The following KTN1 variants were observed in gnomAD, a reference collection of about 807,000 sequenced individuals.
KTN1 encodes kinectin 1.
Under a neutral mutation model 222.5 loss-of-function variants are expected in KTN1, and 130 were observed. The observed-to-expected ratio is 0.58, with a 90% CI of 0.51 to 0.68. KTN1 has a LOEUF of 0.68. Among genes scored for constraint, KTN1 ranks in the 30% least tolerant of loss-of-function variants. KTN1 has a pLI of 0.00. For synonymous variants in KTN1, 512 were observed against 496.3 expected, an observed-to-expected ratio of 1.03 and a Z score of -0.42; for missense variants, 1,508 against 1,500.4, an observed-to-expected ratio of 1.01 and a Z score of -0.08.
intron 39 of KTN1, 27 bp from the exon 40 acceptor site, chr14:55,673,145 A>C (rs2045593253): frequency 1.3e-6 from 2 of 1,585,962 alleles, no homozygotes; most frequent in Admixed American, 1.7e-5. Context: ...TAAGGAGATC[A>C]ATCTTAAACT....
At chr14:55,662,071 T>C (rs1169803981) in intron 32 of KTN1, among the ~76,000 whole-genome samples, 5 of 68,048 alleles carry the variant, frequency 7.3e-5, no homozygotes, top group Non-Finnish European at 1.9e-4. Context: ...CTCCTGCCCT[T>C]TTTTTTTTTT....
chr14:55,590,832 C>T (rs1489072609), intron 1 of KTN1, among the ~76,000 whole-genome samples: 4 of 151,996 alleles, frequency 2.6e-5, no homozygotes, highest in African/African-American at 9.7e-5. Flanking sequence ...TGCACCACCA[C>T]GTCCAGCTAA....
At chr14:55,598,584 G>C (rs79291233) in intron 1 of KTN1, among the ~76,000 whole-genome samples, 9,192 of 151,400 alleles carry the variant, frequency 0.061, 383 homozygotes, top group South Asian at 0.09. Flanking sequence ...TACTAATGTT[G>C]ATCAGTTTTG....
chr14:55,635,033 A>G (rs1352477188), intron 9 of KTN1, among the ~76,000 whole-genome samples: 2 of 152,136 alleles, frequency 1.3e-5, no homozygotes, highest in African/African-American at 2.4e-5. Context: ...GGGGATTACA[A>G]TTCGAGATGA....
At position 55,634,516 on chromosome 14, in the gene KTN1, C is replaced by T; in HGVS notation, c.1329-10C>T. On this transcript the variant is annotated splice_polypyrimidine_tract_variant and intron_variant, in intron 8 of 43. Coordinates refer to ENST00000395314, the MANE Select transcript of KTN1 (RefSeq NM_001079521.2). Reference sequence around the variant, plus strand: ...TAACGGAAGGCTCCTAATCCAGTTACTGTTTTCAGGCAGTCTGCAGAACTA... The same window carrying T: ...TAACGGAAGGCTCCTAATCCAGTTATTGTTTTCAGGCAGTCTGCAGAACTA... 2.5e-6 allele frequency: 4 copies of T among 1,596,230 alleles called. No homozygotes were observed. The highest frequency in any genetic ancestry group is 2.6e-6 in the Non-Finnish European group (3 of 1,174,416).
At chr14:55,680,477 CA>C in intron 43 of KTN1, 1 of 375,324 alleles carries the variant, frequency 2.7e-6, no homozygotes. Context: ...CTGAATACTT[CA>C]GATATTCTTC....
chr14:55,652,856 A>C lies in KTN1; in HGVS notation c.2610A>C (p.Lys870Asn), dbSNP rs774141695. The change falls in exon 26 of 44, where the codon AAA becomes AAC. Residue 870 changes from lysine to asparagine, a missense_variant. Transcript: ENST00000395314. ...CTGATTAATTTATTATCAGATTAAA[A>C]GGAAAAGAGGAACAGATGAATACCA... ...SKVQELQNLL[K>N]GKEEQMNTMK... 6.3e-7 allele frequency: 1 copy of C among 1,591,974 alleles called. No homozygotes were observed. Among genetic ancestry groups the C allele is most frequent in the Admixed American group, 1.8e-5 (1 of 56,506 alleles).
At chr14:55,654,776 AT>A (rs1381753105) in intron 28 of KTN1, among the ~76,000 whole-genome samples, 2 of 152,154 alleles carry the variant, frequency 1.3e-5, no homozygotes, top group Non-Finnish European at 2.9e-5. Context: ...GTATAATGAC[AT>A]GTATCTATCA....
At chr14:55,644,194 G>T (rs2042068459) in intron 18 of KTN1, 18 of 397,612 alleles carry the variant, frequency 4.5e-5, no homozygotes, top group Non-Finnish European at 5.9e-5. Context: ...GCTAGTGAAA[G>T]AAGAGAAAAG....
At position 55,640,980 on chromosome 14, in the gene KTN1, G is replaced by GTATT; in HGVS notation, c.2021+11_2021+14dup. 6.2e-7 allele frequency: 1 copy of GTATT among 1,602,188 alleles called. No homozygotes were observed. The highest frequency in any genetic ancestry group is 1.1e-5 in the South Asian group (1 of 90,662). ...AGAAGATGCAACAAAGGTGACTAAAGTATTGTACATCTAGTCGTTCATACA... is the reference window on the plus strand; with the variant it reads ...AGAAGATGCAACAAAGGTGACTAAAGTATTTATTGTACATCTAGTCGTTCATACA... On this transcript the variant is annotated intron_variant, in intron 16 of 43. Transcript: ENST00000395314.
chr14:55,645,161 C>T lies in KTN1; in HGVS notation c.2173-1812C>T, dbSNP rs553481068. ...GGTAACACAGGGAACAACTAAACCTCGTTTTGAAAAATGAGCATGAATTTG... is the reference window on the plus strand; with the variant it reads ...GGTAACACAGGGAACAACTAAACCTTGTTTTGAAAAATGAGCATGAATTTG... On this transcript the variant is annotated intron_variant, in intron 18 of 43. Transcript: ENST00000395314. Among the ~76,000 whole-genome samples the T allele has an allele frequency of 5.9e-5, 9 of 152,186 alleles. No individual in the cohort carries two copies. In the East Asian group the frequency reaches 1.5e-3, roughly 26 times the overall value.
intron 1 of KTN1, among the ~76,000 whole-genome samples, chr14:55,606,511 A>C (rs2036746882): frequency 6.6e-6 from 1 of 152,134 alleles, no homozygotes; most frequent in South Asian, 2.1e-4. Context: ...AATATTGATA[A>C]AATTAGTTTT....
At chr14:55,654,595 G>T (rs1275873321) in intron 28 of KTN1, among the ~76,000 whole-genome samples, 1 of 149,726 alleles carries the variant, frequency 6.7e-6, no homozygotes. Context: ...TTTTTGTGGT[G>T]GAGAACTTTT....
At chr14:55,676,917 T>G (rs1246869160) in intron 41 of KTN1, among the ~76,000 whole-genome samples, 1 of 152,182 alleles carries the variant, frequency 6.6e-6, no homozygotes, top group Non-Finnish European at 1.5e-5. Flanking sequence ...ACTGTTGTGG[T>G]TGAGCAGTCA....
At chr14:55,592,269 CTTCCCCTTTATGCTGTTTTCTTTT>C (rs1385914753) in intron 1 of KTN1, among the ~76,000 whole-genome samples, 2 of 152,102 alleles carry the variant, frequency 1.3e-5, no homozygotes, top group East Asian at 3.8e-4. Flanking sequence ...ATTTTTGTTT[CTTCCCCTTTATGCTGTTTTCTTTT>C]TTCCAAGATT....
At chr14:55,643,448 T>G (rs1299580516) in intron 18 of KTN1, among the ~76,000 whole-genome samples, 2 of 152,196 alleles carry the variant, frequency 1.3e-5, no homozygotes, top group African/African-American at 4.8e-5. Flanking sequence ...TAGATTTTTG[T>G]GTGTGTGTTC....
At chr14:55,582,856 CTG>C (rs1035977923) in intron 1 of KTN1, among the ~76,000 whole-genome samples, 35 of 152,236 alleles carry the variant, frequency 2.3e-4, no homozygotes, top group African/African-American at 8.4e-4. Flanking sequence ...TGCTTGTTCT[CTG>C]TACTGTTTTT....
In KTN1 at chr14:55,616,573, T is replaced by C. The variant is rs1412489437; in HGVS notation, c.580T>C (p.Leu194=). ...GGTACCATCAAAAAGGCAAGAAGCA[T>C]TGCCCCTCCACCAAGAGACTAAACA... is the stretch of plus-strand genomic sequence containing the variant. ...LMVPSKRQEA[L]PLHQETKQES... Residue 194 remains leucine, a synonymous_variant, in exon 3 of 44, where the codon TTG becomes CTG. Coordinates refer to ENST00000395314, the MANE Select transcript of KTN1 (RefSeq NM_001079521.2). 3 of 1,608,314 alleles carry C rather than the reference T, an allele frequency of 1.9e-6. No individual in the cohort carries two copies. In the South Asian group the frequency reaches 3.3e-5, roughly 18 times the overall value.
At chr14:55,678,565 A>C in intron 42 of KTN1, 121 bp downstream of exon 42, 5 of 656,240 alleles carry the variant, frequency 7.6e-6, no homozygotes, top group Non-Finnish European at 5.5e-6. Flanking sequence ...TGTCCCTAAA[A>C]TGTAGTGTTT....
Sources: gnomAD v4.1 joint callset for allele counts (sites outside exome capture counted in the v4.1 genomes callset) on GRCh38, gnomAD v4.1.1 for gene constraint, MANE v1.5 for transcripts, NCBI Gene and HGNC (gene_info 2026-07-23, HGNC 2026-07-21) for gene names.